CUL5: variants seen among roughly 807,000 people sequenced by gnomAD.
The protein encoded by CUL5 is cullin 5, also known as cullin-5.
A neutral mutation model predicts 108.8 loss-of-function variants in CUL5; 26 were observed. That is an observed-to-expected ratio of 0.24 (90% CI 0.18 to 0.33). The LOEUF (loss-of-function observed/expected upper bound fraction) is 0.33, where lower values mean the gene tolerates loss of function less well. CUL5 is among the 10% of genes least tolerant of loss of function. The pLI, the probability that CUL5 is intolerant of heterozygous loss-of-function variation, is 1.00. For synonymous variants in CUL5, 334 were observed against 298.0 expected, an observed-to-expected ratio of 1.12 and a Z score of -1.25; for missense variants, 524 against 909.2, an observed-to-expected ratio of 0.58 and a Z score of 5.45.
chr11:108,025,657 C>T (rs933737364), intron 1 of CUL5, among the ~76,000 whole-genome samples: 1 of 152,150 alleles, frequency 6.6e-6, no homozygotes, highest in Non-Finnish European at 1.5e-5. Context: ...GATTGTTCTG[C>T]CCATTCCCAT....
chr11:108,058,937 C>T (rs1035698560), intron 7 of CUL5, among the ~76,000 whole-genome samples: 2 of 152,120 alleles, frequency 1.3e-5, no homozygotes, highest in Non-Finnish European at 2.9e-5. Flanking sequence ...TGCTGCTGAA[C>T]AGGCATGTTG....
chr11:108,048,300 AC>A (rs1863116327), intron 3 of CUL5, among the ~76,000 whole-genome samples: 1 of 151,948 alleles, frequency 6.6e-6, no homozygotes, highest in Non-Finnish European at 1.5e-5. Flanking sequence ...TTTTTGTTTA[AC>A]CTAGATTAAC....
rs556673847 is a variant in CUL5, at chr11:108,104,906, A to G, written c.*522A>G. The G allele has an allele frequency of 1.3e-5, 2 of 152,798 alleles. No homozygotes were observed. Among genetic ancestry groups the G allele is most frequent in the South Asian group, 4.1e-4 (2 of 4,834 alleles). The allele number at this position is 152,798 out of a possible 1,614,324, so 9.5% of individuals were successfully genotyped here. ...CATTGGGAAACGGCAGATGTAGGTG[A>G]GAAGTTAAGTATTTAATAGTATCAA... On this transcript the variant is annotated 3_prime_UTR_variant, in exon 19 of 19. Transcript: ENST00000393094.
Position 108,046,341 on chromosome 11 carries a change from T to C in CUL5, c.206T>C (p.Ile69Thr). ...ATTCATCAGGCTTTAAAAGAAGATA[T>C]TCTTGAGTTTATTAAGCAAGCACAG... ...AKIHQALKED[I>T]LEFIKQAQAR... The change falls in exon 3 of 19, where the codon ATT (isoleucine) becomes ACT (threonine). Residue 69 changes from isoleucine (I) to threonine (T), a missense_variant. Physicochemically the swap from Ile to Thr is moderately conservative, Grantham distance 89. Coordinates refer to ENST00000393094, the MANE Select transcript of CUL5 (RefSeq NM_003478.6). 1 of 1,612,450 alleles carries C rather than the reference T, an allele frequency of 6.2e-7. No individual in the cohort carries two copies. Among genetic ancestry groups the C allele is most frequent in the Non-Finnish European group, 8.5e-7 (1 of 1,179,014 alleles).
Position 108,026,946 on chromosome 11 carries a change from G to A in CUL5, c.25-6856G>A, listed in dbSNP as rs182249650. ...GGAGGTTGCAGTGAGCAGAGATCAC[G>A]CCACTGCACTCCAGCCTGAAAGACA... On this transcript the variant is annotated intron_variant, in intron 1 of 18. Coordinates refer to ENST00000393094, the MANE Select transcript of CUL5 (RefSeq NM_003478.6). 7.3e-3 allele frequency among the ~76,000 whole-genome samples: 1,036 copies of A among 141,304 alleles called. 12 individuals are homozygous for A. The highest frequency in any genetic ancestry group is 0.025 in the African/African-American group (956 of 37,582). 92.7% of individuals were successfully genotyped at this position (141,304 alleles called of 152,430 possible).
intron 2 of CUL5, among the ~76,000 whole-genome samples, chr11:108,045,278 T>C (rs971489963): frequency 6.6e-6 from 1 of 152,152 alleles, no homozygotes; most frequent in Admixed American, 6.6e-5. Flanking sequence ...CTAGGAGATA[T>C]GCTTTATTGT....
At chr11:108,043,998 G>C (rs1863002262) in intron 2 of CUL5, among the ~76,000 whole-genome samples, 1 of 152,154 alleles carries the variant, frequency 6.6e-6, no homozygotes. Context: ...ACTTCAGCCT[G>C]GGCAACAAGA....
intron 5 of CUL5, among the ~76,000 whole-genome samples, chr11:108,053,288 A>G (rs868584001): frequency 2.6e-5 from 4 of 152,156 alleles, no homozygotes; most frequent in Admixed American, 6.5e-5. Context: ...TTAGTGCTTC[A>G]CAGTACCTGT....
At chr11:108,062,772 A>G (rs988121002) in intron 7 of CUL5, among the ~76,000 whole-genome samples, 8 of 152,104 alleles carry the variant, frequency 5.3e-5, no homozygotes, top group African/African-American at 1.9e-4. Context: ...CATAAAATTA[A>G]ATTATTTTTT....
rs568379434 is a variant in CUL5, at chr11:108,018,199, A to G, written c.24+8827A>G. ...CCTGAATGATCTGCATTCTAAGGCA[A>G]AGGTCTTGAGGTGCAGTGATGAGCT... On this transcript the variant is annotated intron_variant, in intron 1 of 18. Transcript: ENST00000393094. Among the ~76,000 whole-genome samples the G allele has an allele frequency of 1.4e-3, 218 of 152,264 alleles. 1 individual carries two copies. The highest frequency in any genetic ancestry group is 2.5e-3 in the Non-Finnish European group (172 of 68,022).
chr11:108,032,598 TC>T (rs1862620346), intron 1 of CUL5, among the ~76,000 whole-genome samples: 15 of 151,484 alleles, frequency 9.9e-5, no homozygotes, highest in African/African-American at 1.2e-4. Flanking sequence ...TCTCTCTCTC[TC>T]TCTGTTTTTG....
At chr11:108,047,687 TC>T (rs1863100902) in intron 3 of CUL5, among the ~76,000 whole-genome samples, 1 of 152,228 alleles carries the variant, frequency 6.6e-6, no homozygotes, top group African/African-American at 2.4e-5. Flanking sequence ...TTAATGAAAA[TC>T]TGTTTTCAAG....
At chr11:108,009,600 G>C (rs1421481546) in intron 1 of CUL5, among the ~76,000 whole-genome samples, 2 of 152,122 alleles carry the variant, frequency 1.3e-5, no homozygotes, top group Admixed American at 6.5e-5. Context: ...GAAAAGCCTG[G>C]CTGAGCGCTG....
intron 7 of CUL5, among the ~76,000 whole-genome samples, chr11:108,066,054 G>A (rs1010174241): frequency 6.6e-6 from 1 of 152,078 alleles, no homozygotes; most frequent in Non-Finnish European, 1.5e-5. Flanking sequence ...AAAAACTAGA[G>A]TACTGGCTGG....
intron 2 of CUL5, among the ~76,000 whole-genome samples, chr11:108,043,068 CT>C (rs1227110430): frequency 2.0e-5 from 3 of 152,038 alleles, no homozygotes; most frequent in African/African-American, 4.8e-5. Flanking sequence ...CGGCCTGTTT[CT>C]TTTTTAAAAA....
rs149242351 is a variant in CUL5, at chr11:108,101,433, A to G, written c.2149-2757A>G. On this transcript the variant is annotated intron_variant, in intron 18 of 18. Coordinates refer to ENST00000393094, the MANE Select transcript of CUL5 (RefSeq NM_003478.6). Reference sequence around the variant, plus strand: ...TGAATTTATGGTTCATTCTTTTTCTAGTTGCTAAGGGCCCCATGGCCTCTT... The same window carrying G: ...TGAATTTATGGTTCATTCTTTTTCTGGTTGCTAAGGGCCCCATGGCCTCTT... 1.2e-4 allele frequency among the ~76,000 whole-genome samples: 19 copies of G among 152,292 alleles called. No individual in the cohort carries two copies. In the East Asian group the frequency reaches 3.1e-3, roughly 25 times the overall value.
chr11:108,067,529 G>C (rs1174605362), intron 7 of CUL5, among the ~76,000 whole-genome samples: 1 of 151,028 alleles, frequency 6.6e-6, no homozygotes, highest in Non-Finnish European at 1.5e-5. Flanking sequence ...TTTTTGTTCT[G>C]TCCTATGTAC....
At chr11:108,080,820 T>A (rs1864060515) in intron 11 of CUL5, among the ~76,000 whole-genome samples, 1 of 152,190 alleles carries the variant, frequency 6.6e-6, no homozygotes, top group South Asian at 2.1e-4. Flanking sequence ...CTGTAAGTTG[T>A]CTTTTCATTT....
intron 11 of CUL5, among the ~76,000 whole-genome samples, chr11:108,083,944 A>G (rs1198355910): frequency 6.6e-6 from 1 of 152,196 alleles, no homozygotes; most frequent in Non-Finnish European, 1.5e-5. Context: ...GGCCCAACAC[A>G]CACATTTGTA....
Sources: gnomAD v4.1 joint callset for allele counts (sites outside exome capture counted in the v4.1 genomes callset) on GRCh38, gnomAD v4.1.1 for gene constraint, MANE v1.5 for transcripts, NCBI Gene and HGNC (gene_info 2026-07-23, HGNC 2026-07-21) for gene names.